ENOX2: variants seen among roughly 807,000 people sequenced by gnomAD.
The protein encoded by ENOX2 is ecto-NOX disulfide-thiol exchanger 2, also known as APK1 antigen.
ENOX2 carries 36 observed loss-of-function variants against 45.0 expected under a neutral mutation model. The observed-to-expected ratio is 0.80, with a 90% CI of 0.61 to 1.06. The LOEUF is 1.06. Ranked by LOEUF, ENOX2 falls within the 50% of genes least tolerant of loss-of-function variation. The pLI, the probability that ENOX2 is intolerant of heterozygous loss-of-function variation, is 0.00. For synonymous variants in ENOX2, 174 were observed against 152.3 expected (o/e 1.14, Z -1.05); for missense variants, 423 against 462.5 (o/e 0.91, Z 0.78).
chrX:130,637,545 A>G, intron 10 of ENOX2, 135 bp from the exon 11 acceptor site: 1 of 453,843 alleles, frequency 2.2e-6, no homozygotes. Flanking sequence ...AGAGATAGAT[A>G]CAAAAGCACA....
chrX:130,832,295 C>A (rs1257290720), intron 2 of ENOX2, among the ~76,000 whole-genome samples: 1 of 110,413 alleles, frequency 9.1e-6, no homozygotes, highest in Non-Finnish European at 1.9e-5. Context: ...TACAGCACTC[C>A]CATCAGAAAT....
At chrX:130,800,342 CAAA>C (rs199592323) in intron 2 of ENOX2, among the ~76,000 whole-genome samples, 2 of 62,152 alleles carry the variant, frequency 3.2e-5, no homozygotes. Context: ...AATGAGTAGT[CAAA>C]AAAAAAAAAA....
chrX:130,667,619 C>T lies in ENOX2; in HGVS notation c.818G>A (p.Arg273His), dbSNP rs143365450. ...MIQSANSHVRRLVNEKAAHEK... is the reference protein window; with the variant it reads ...MIQSANSHVRHLVNEKAAHEK... ...ATGGGCAGCTTTCTCGTTCACCAGG[C>T]GGCGGACATGGCTGTTGGCCGACTG... Residue 273 changes from arginine (R) to histidine (H), a missense_variant, in exon 8 of 15, where the codon CGC becomes CAC. Physicochemically the swap from Arg to His is conservative, Grantham distance 29. Transcript: ENST00000394363. The T allele has an allele frequency of 4.9e-5, 59 of 1,209,742 alleles. No homozygotes were observed. The African/African-American group carries it at 8.9e-4, about 18-fold the overall frequency.
At chrX:130,729,612 T>C (rs1261108878) in intron 3 of ENOX2, among the ~76,000 whole-genome samples, 1 of 111,985 alleles carries the variant, frequency 8.9e-6, no homozygotes, top group Admixed American at 9.5e-5. Flanking sequence ...GGAGATAATA[T>C]GGAAACGTAA....
At chrX:130,834,502 A>T (rs2077894706) in intron 2 of ENOX2, among the ~76,000 whole-genome samples, 1 of 110,815 alleles carries the variant, frequency 9.0e-6, no homozygotes, top group Non-Finnish European at 1.9e-5. Flanking sequence ...AAAGGAGGAT[A>T]GCTGGGAATA....
chrX:130,740,128 C>T (rs1603336882), intron 3 of ENOX2, among the ~76,000 whole-genome samples: 1 of 112,041 alleles, frequency 8.9e-6, no homozygotes, highest in Non-Finnish European at 1.9e-5. Flanking sequence ...AGTGGCTGGG[C>T]GTGGTGGCTC....
At position 130,624,861 on chromosome X, in the gene ENOX2, G is replaced by A. The variant is rs896625086; in HGVS notation, c.*453C>T. 2 of 112,874 alleles carry A rather than the reference G, an allele frequency of 1.8e-5. No individual in the cohort carries two copies. Among genetic ancestry groups the A allele is most frequent in the Non-Finnish European group, 3.7e-5 (2 of 53,803 alleles). The allele number at this position is 112,874 out of a possible 1,213,427, so 9.3% of individuals were successfully genotyped here. A position where few individuals can be genotyped will look rare whatever the true frequency, so the allele number is the denominator to read the frequency against. On this transcript the variant is annotated 3_prime_UTR_variant, in exon 15 of 15. Transcript: ENST00000394363. ...GTCTACTGGGGATTGGAAAGACAAT[G>A]GCAGTTACACAGAGGACTTAGTGCT... is the stretch of plus-strand genomic sequence containing the variant.
At chrX:130,631,679 A>G (rs193178238) in intron 12 of ENOX2, 103 bp from the exon 13 acceptor site, 18 of 439,269 alleles carry the variant, frequency 4.1e-5, no homozygotes, top group African/African-American at 3.3e-4. Flanking sequence ...CATAAAAACA[A>G]TACCATTCAA....
intron 5 of ENOX2, among the ~76,000 whole-genome samples, chrX:130,681,782 C>T (rs1263831093): frequency 9.0e-6 from 1 of 111,691 alleles, no homozygotes; most frequent in Non-Finnish European, 1.9e-5. Context: ...GTCATTGTAG[C>T]GTTATTATTA....
intron 2 of ENOX2, among the ~76,000 whole-genome samples, chrX:130,895,308 G>A (rs1391902192): frequency 8.9e-6 from 1 of 111,736 alleles, no homozygotes; most frequent in African/African-American, 3.3e-5. Flanking sequence ...AGTGAAGTAT[G>A]TTTGAGGACC....
At chrX:130,689,425 C>T (rs1353141447) in intron 4 of ENOX2, among the ~76,000 whole-genome samples, 1 of 111,898 alleles carries the variant, frequency 8.9e-6, no homozygotes, top group East Asian at 2.8e-4. Flanking sequence ...GGGGATCAAG[C>T]AGACCTGGGT....
In ENOX2 at chrX:130,665,755, G is replaced by A; in HGVS notation, c.908-6C>T. ...CACAGCCACTATCTGCTCAACTGCA[G>A]CATCAAATCAGCAGTTGGATCAGGC... On this transcript the variant is annotated splice_polypyrimidine_tract_variant and splice_region_variant and intron_variant, in intron 8 of 14. Coordinates refer to ENST00000394363, the MANE Select transcript of ENOX2 (RefSeq NM_006375.4). 1 of 1,126,989 alleles carries A rather than the reference G, an allele frequency of 8.9e-7. No homozygotes were observed. Among genetic ancestry groups the A allele is most frequent in the Admixed American group, 2.2e-5 (1 of 44,911 alleles). 92.9% of individuals were successfully genotyped at this position (1,126,989 alleles called of 1,213,427 possible).
chrX:130,797,655 C>A (rs2148422850), intron 2 of ENOX2, among the ~76,000 whole-genome samples: 1 of 111,611 alleles, frequency 9.0e-6, no homozygotes, highest in South Asian at 3.8e-4. Flanking sequence ...TGAACTAAGG[C>A]TCTTGAAAAC....
chrX:130,838,338 C>T (rs914496617), intron 2 of ENOX2, among the ~76,000 whole-genome samples: 44 of 111,819 alleles, frequency 3.9e-4, no homozygotes, highest in African/African-American at 1.4e-3. Context: ...GCCGAGATCG[C>T]GCCACTGCAT....
intron 3 of ENOX2, among the ~76,000 whole-genome samples, chrX:130,782,003 A>T (rs990119215): frequency 1.8e-5 from 2 of 111,282 alleles, no homozygotes; most frequent in Non-Finnish European, 3.8e-5. Flanking sequence ...AAAAATTTAA[A>T]AGTATTAGAG....
At chrX:130,779,258 G>A (rs2039923011) in intron 3 of ENOX2, among the ~76,000 whole-genome samples, 1 of 112,236 alleles carries the variant, frequency 8.9e-6, no homozygotes, top group Non-Finnish European at 1.9e-5. Context: ...CATTTCCATG[G>A]GGAAAAGGTA....
chrX:130,669,895 C>T, intron 7 of ENOX2, 70 bp downstream of exon 7: 1 of 773,977 alleles, frequency 1.3e-6, no homozygotes, highest in East Asian at 3.2e-5. Context: ...GTCAACAATG[C>T]AATTATATTT....
chrX:130,648,408 AGCCT>A (rs1271412275), intron 10 of ENOX2, among the ~76,000 whole-genome samples: 1 of 109,696 alleles, frequency 9.1e-6, no homozygotes, highest in Non-Finnish European at 1.9e-5. Flanking sequence ...ATTGCACTCC[AGCCT>A]GGGCAACAAG....
Position 130,886,218 on chromosome X carries a change from A to G in ENOX2, c.-183+15466T>C, listed in dbSNP as rs1438719460. On this transcript the variant is annotated intron_variant, in intron 2 of 14. Coordinates refer to ENST00000394363, the MANE Select transcript of ENOX2 (RefSeq NM_006375.4). ...CTCCACATCATCTGCATGCTGTCCA[A>G]TTAATGAGGAGCGAAATCAACTGTC... Among the ~76,000 whole-genome samples, 4 of 112,709 alleles carry G rather than the reference A, an allele frequency of 3.5e-5. No individual in the cohort carries two copies. The South Asian group carries it at 1.1e-3, about 31-fold the overall frequency.
Sources: gnomAD v4.1 joint callset for allele counts (sites outside exome capture counted in the v4.1 genomes callset) on GRCh38, gnomAD v4.1.1 for gene constraint, MANE v1.5 for transcripts, NCBI Gene and HGNC (gene_info 2026-07-23, HGNC 2026-07-21) for gene names.